The following ZBTB20 variants were observed in gnomAD, a reference collection of about 807,000 sequenced individuals.
ZBTB20 encodes the protein zinc finger and BTB domain-containing protein 20.
Under a neutral mutation model 56.9 loss-of-function variants are expected in ZBTB20, and 9 were observed. That is an observed-to-expected ratio of 0.16 (90% CI 0.10 to 0.28). The LOEUF is 0.28. Among genes scored for constraint, ZBTB20 ranks in the 10% least tolerant of loss-of-function variants. The pLI is 1.00. For synonymous variants in ZBTB20, 417 were observed against 420.7 expected (o/e 0.99, Z 0.11); for missense variants, 655 against 1,003.0 (o/e 0.65, Z 4.69).
chr3:114,625,822 AATAG>A (rs754145473), intron 6 of ZBTB20, among the ~76,000 whole-genome samples: 3 of 152,172 alleles, frequency 2.0e-5, no homozygotes, highest in Non-Finnish European at 2.9e-5. Flanking sequence ...GGGAAAATAA[AATAG>A]ATAGAAAAAC....
Position 114,479,660 on chromosome 3 carries a change from T to A in ZBTB20, c.-255+20692A>T, listed in dbSNP as rs1432332067. Among the ~76,000 whole-genome samples the A allele has an allele frequency of 2.0e-5, 3 of 152,362 alleles. No homozygotes were observed. The East Asian group carries it at 5.8e-4, about 29-fold the overall frequency. ...ACATACAATTGTGTGGACGTGTCTA[T>A]GTGTGTTTCTAATTCTATACTATCT... On this transcript the variant is annotated intron_variant, in intron 7 of 11. Transcript: ENST00000675478.
intron 5 of ZBTB20, among the ~76,000 whole-genome samples, chr3:114,718,172 A>G (rs1352918028): frequency 1.3e-5 from 2 of 152,154 alleles, no homozygotes; most frequent in Admixed American, 6.6e-5. Flanking sequence ...TTGAAAATTC[A>G]TAAGTGATCA....
chr3:115,004,146 G>C (rs2108227732), intron 2 of ZBTB20, among the ~76,000 whole-genome samples: 1 of 151,744 alleles, frequency 6.6e-6, no homozygotes, highest in South Asian at 2.1e-4. Context: ...GATTTCAATA[G>C]ATCTGCTCGT....
chr3:114,551,186 T>C (rs572690578), intron 6 of ZBTB20, among the ~76,000 whole-genome samples: 1 of 152,354 alleles, frequency 6.6e-6, no homozygotes, highest in East Asian at 1.9e-4. Context: ...CGATTGAATA[T>C]AGTGATGCAT....
intron 10 of ZBTB20, 41 bp downstream of exon 10, chr3:114,380,176 C>CGGGTAG (rs780257767): frequency 4.6e-5 from 68 of 1,493,778 alleles, no homozygotes; most frequent in African/African-American, 6.9e-5. Context: ...AGCACTACTC[C>CGGGTAG]AAGCACTGCA....
intron 7 of ZBTB20, among the ~76,000 whole-genome samples, chr3:114,463,445 T>C (rs2092414488): frequency 6.6e-6 from 1 of 152,176 alleles, no homozygotes; most frequent in Non-Finnish European, 1.5e-5. Flanking sequence ...AGGATCTCTA[T>C]TTTGATCATG....
chr3:114,593,372 C>CT (rs755115912), intron 6 of ZBTB20, among the ~76,000 whole-genome samples: 3 of 145,858 alleles, frequency 2.1e-5, no homozygotes, highest in African/African-American at 7.6e-5. Flanking sequence ...TTTTTTTGTT[C>CT]TTTTTTCTTT....
At chr3:115,111,994 T>C (rs1404815640) in intron 1 of ZBTB20, among the ~76,000 whole-genome samples, 1 of 152,144 alleles carries the variant, frequency 6.6e-6, no homozygotes, top group East Asian at 1.9e-4. Flanking sequence ...AAGAAATTGA[T>C]TCTCCGATTA....
chr3:114,397,307 T>G (rs1325539441), intron 7 of ZBTB20, among the ~76,000 whole-genome samples: 1 of 152,082 alleles, frequency 6.6e-6, no homozygotes, highest in East Asian at 1.9e-4. Context: ...TCCCATTCTC[T>G]TTTTCAGTTG....
chr3:114,447,243 G>A (rs1324681989), intron 7 of ZBTB20, among the ~76,000 whole-genome samples: 2 of 152,118 alleles, frequency 1.3e-5, no homozygotes, highest in Non-Finnish European at 2.9e-5. Context: ...TTCAGAACTT[G>A]TAACATTTTA....
chr3:114,828,839 T>C (rs924469259), intron 4 of ZBTB20, among the ~76,000 whole-genome samples: 6 of 151,916 alleles, frequency 3.9e-5, no homozygotes, highest in Admixed American at 3.9e-4. Flanking sequence ...CTTAATTGAA[T>C]TAAGTTTAAG....
At chr3:114,429,551 G>T (rs1231979243) in intron 7 of ZBTB20, among the ~76,000 whole-genome samples, 1 of 152,144 alleles carries the variant, frequency 6.6e-6, no homozygotes, top group Non-Finnish European at 1.5e-5. Context: ...CAGTCTCTGA[G>T]AGGGTATTGA....
At chr3:114,942,028 A>T (rs530934659) in intron 3 of ZBTB20, among the ~76,000 whole-genome samples, 2 of 146,286 alleles carry the variant, frequency 1.4e-5, no homozygotes, top group South Asian at 2.1e-4. Flanking sequence ...CTATCACAAG[A>T]TATACATAAA....
At chr3:114,931,706 T>G (rs959348507) in intron 3 of ZBTB20, among the ~76,000 whole-genome samples, 1 of 150,856 alleles carries the variant, frequency 6.6e-6, no homozygotes, top group African/African-American at 2.4e-5. Flanking sequence ...TTTTGTGTGT[T>G]TTTTTTTTAG....
intron 3 of ZBTB20, among the ~76,000 whole-genome samples, chr3:114,944,600 C>T (rs1347434169): frequency 6.9e-6 from 1 of 145,464 alleles, no homozygotes; most frequent in Non-Finnish European, 1.5e-5. Context: ...AGCATAAAAA[C>T]AGATAAAGAA....
At chr3:114,680,729 T>A (rs564601175) in intron 6 of ZBTB20, among the ~76,000 whole-genome samples, 1 of 152,132 alleles carries the variant, frequency 6.6e-6, no homozygotes, top group Non-Finnish European at 1.5e-5. Flanking sequence ...AAAAGAGAAA[T>A]CTATTGTTTG....
At chr3:114,765,397 G>A (rs1157585474) in intron 5 of ZBTB20, among the ~76,000 whole-genome samples, 3 of 152,080 alleles carry the variant, frequency 2.0e-5, no homozygotes, top group African/African-American at 7.2e-5. Context: ...ACATACACTG[G>A]GAGAATGCTA....
chr3:114,859,094 A>G (rs546076226), intron 4 of ZBTB20, among the ~76,000 whole-genome samples: 1 of 151,718 alleles, frequency 6.6e-6, no homozygotes, highest in Non-Finnish European at 1.5e-5. Flanking sequence ...AATATTTTTT[A>G]AAAAAACAGA....
intron 11 of ZBTB20, among the ~76,000 whole-genome samples, chr3:114,342,542 G>C (rs35089479): frequency 3.0e-3 from 457 of 152,326 alleles, no homozygotes; most frequent in Non-Finnish European, 4.3e-3. Context: ...TTGGCTGAGT[G>C]ACTTGGGCAT....
Sources: allele counts gnomAD v4.1 joint callset (sites outside exome capture counted in the v4.1 genomes callset), GRCh38; gene constraint gnomAD v4.1.1; transcripts MANE v1.5; gene names NCBI Gene and HGNC (gene_info 2026-07-23, HGNC 2026-07-21).